SCEL: variants seen among roughly 807,000 people sequenced by gnomAD.
SCEL encodes sciellin.
In SCEL, 113 loss-of-function variants were observed where a neutral mutation model predicts 117.6. That is an observed-to-expected ratio of 0.96 (90% CI 0.83 to 1.12). The LOEUF (loss-of-function observed/expected upper bound fraction) is 1.12, where lower values mean the gene tolerates loss of function less well. Among genes scored for constraint, SCEL ranks in the 50% most tolerant of loss-of-function variants. The pLI, the probability that SCEL is intolerant of heterozygous loss-of-function variation, is 0.00. For missense variants in SCEL, 785 were observed against 810.8 expected (o/e 0.97, Z 0.39); for synonymous variants, 270 against 256.2 (o/e 1.05, Z -0.51).
chr13:77,542,858 C>A (rs948632186), intron 1 of SCEL, among the ~76,000 whole-genome samples: 2 of 152,132 alleles, frequency 1.3e-5, no homozygotes, highest in East Asian at 1.9e-4. Context: ...TCTTATTCTT[C>A]TACTGAAAAT....
intron 1 of SCEL, among the ~76,000 whole-genome samples, chr13:77,554,135 G>A (rs977401125): frequency 1.3e-5 from 2 of 152,138 alleles, no homozygotes; most frequent in Non-Finnish European, 2.9e-5. Context: ...GGAGGCCAGC[G>A]AAGGAAGTGA....
intron 20 of SCEL, 133 bp from the exon 21 acceptor site, chr13:77,608,922 GAGC>G: frequency 1.5e-6 from 1 of 664,788 alleles, no homozygotes; most frequent in Non-Finnish European, 2.5e-6. Context: ...TTTAAATTAA[GAGC>G]ATAGACTGGT....
At position 77,542,380 on chromosome 13, in the gene SCEL, A is replaced by G. The variant is rs546730662; in HGVS notation, c.-20+6556A>G. ...ACGCCATTGCACTCCAGCCTGGGCTACAGAGCAAGATTCCGTCTCAACAAA... is the reference window on the plus strand; with the variant it reads ...ACGCCATTGCACTCCAGCCTGGGCTGCAGAGCAAGATTCCGTCTCAACAAA... On this transcript the variant is annotated intron_variant, in intron 1 of 32. Transcript: ENST00000349847. Among the ~76,000 whole-genome samples, 162 of 151,966 alleles carry G rather than the reference A, an allele frequency of 1.1e-3. 3 individuals are homozygous for G. The Middle Eastern group carries it at 0.031, about 29-fold the overall frequency.
intron 28 of SCEL, among the ~76,000 whole-genome samples, chr13:77,630,131 C>T (rs769343233): frequency 2.0e-5 from 3 of 151,988 alleles, no homozygotes; most frequent in Non-Finnish European, 2.9e-5. Context: ...CTTTGGCTAT[C>T]CTTGGGGGAG....
At chr13:77,640,559 A>C (rs2090509007) in intron 30 of SCEL, 117 bp from the exon 31 acceptor site, 1 of 421,914 alleles carries the variant, frequency 2.4e-6, no homozygotes, top group African/African-American at 2.1e-5. Flanking sequence ...TTTTTGTGAA[A>C]TTTTCTAAAG....
At chr13:77,603,782 T>C (rs961242878) in intron 18 of SCEL, among the ~76,000 whole-genome samples, 1 of 152,200 alleles carries the variant, frequency 6.6e-6, no homozygotes, top group African/African-American at 2.4e-5. Context: ...CCTTTTTTGC[T>C]CACCATGATC....
At position 77,613,896 on chromosome 13, in the gene SCEL, T is replaced by C. The variant is rs1242991603; in HGVS notation, c.1392T>C (p.Ser464=). The change falls in exon 24 of 33, where the codon AGT becomes AGC. Residue 464 remains serine, a synonymous_variant. Transcript: ENST00000349847. ...IKVIPSANKS[S]EQGLDEHINV... is the part of the protein sequence containing the mutation. ...ATTTCCTCTAATTTTGTTTTAGCAG[T>C]GAACAAGGTCTTGATGAACATATTA... The C allele has an allele frequency of 6.2e-7, 1 of 1,613,154 alleles. No individual in the cohort carries two copies. The highest frequency in any genetic ancestry group is 8.5e-7 in the Non-Finnish European group (1 of 1,179,386).
At chr13:77,552,057 G>A (rs2084363618) in intron 1 of SCEL, among the ~76,000 whole-genome samples, 1 of 151,856 alleles carries the variant, frequency 6.6e-6, no homozygotes, top group South Asian at 2.1e-4. Flanking sequence ...GTATTCCATG[G>A]TGTATATGTG....
At position 77,568,179 on chromosome 13, in the gene SCEL, ATTTC is replaced by A. The variant is rs950455526; in HGVS notation, c.360-110_360-107del. 3 of 658,918 alleles carry A rather than the reference ATTTC, an allele frequency of 4.6e-6. No individual in the cohort carries two copies. The South Asian group carries it at 5.6e-5, about 12-fold the overall frequency. The allele number at this position is 658,918 out of a possible 1,614,324, so 40.8% of individuals were successfully genotyped here. On this transcript the variant is annotated intron_variant, in intron 6 of 32. Transcript: ENST00000349847. Reference sequence around the variant, plus strand: ...AATTTATTAAAATATGATGCTTTCTATTTCTTTCTCTCACCAGTGTCTAACTTTT... The same window carrying A: ...AATTTATTAAAATATGATGCTTTCTATTTCTCTCACCAGTGTCTAACTTTT...
Position 77,559,972 on chromosome 13 carries a change from CG to C in SCEL, c.221+110del, listed in dbSNP as rs1293647530. The C allele has an allele frequency of 1.1e-5, 10 of 923,052 alleles. No homozygotes were observed. In the African/African-American group the frequency reaches 1.6e-4, roughly 15 times the overall value. The allele number at this position is 923,052 out of a possible 1,614,324, so 57.2% of individuals were successfully genotyped here. On this transcript the variant is annotated intron_variant, in intron 4 of 32. Transcript: ENST00000349847. ...TTTGCAGCATGCCTTGGGCTTTCCC[CG>C]ATGTTCTGGGCATGTGAAGGAGAAT...
chr13:77,619,127 C>T (rs1408826041), intron 27 of SCEL, among the ~76,000 whole-genome samples: 2 of 152,032 alleles, frequency 1.3e-5, no homozygotes, highest in African/African-American at 4.8e-5. Flanking sequence ...TCTGAAAGGA[C>T]AAAAAGAAAT....
intron 27 of SCEL, among the ~76,000 whole-genome samples, chr13:77,626,092 T>C (rs549561254): frequency 4.6e-5 from 7 of 152,328 alleles, no homozygotes; most frequent in Admixed American, 4.6e-4. Context: ...AGAGGTTTAA[T>C]GGACTCACAG....
At chr13:77,588,852 T>C (rs956964759) in intron 9 of SCEL, among the ~76,000 whole-genome samples, 16 of 152,182 alleles carry the variant, frequency 1.1e-4, no homozygotes, top group African/African-American at 3.9e-4. Flanking sequence ...GAGCTAGATA[T>C]ACTAGCAAAA....
At chr13:77,560,689 G>A (rs903181722) in intron 4 of SCEL, among the ~76,000 whole-genome samples, 1 of 152,140 alleles carries the variant, frequency 6.6e-6, no homozygotes, top group African/African-American at 2.4e-5. Context: ...ATCTCAGATT[G>A]ATAAAAATAG....
intron 30 of SCEL, among the ~76,000 whole-genome samples, chr13:77,638,310 A>G (rs1159583376): frequency 1.3e-5 from 2 of 152,194 alleles, no homozygotes; most frequent in Non-Finnish European, 2.9e-5. Context: ...TGTAAGTCAC[A>G]CCTCTTTGAG....
chr13:77,571,256 C>G (rs1380849744), intron 8 of SCEL, among the ~76,000 whole-genome samples: 5 of 148,298 alleles, frequency 3.4e-5, no homozygotes, highest in Non-Finnish European at 7.5e-5. Flanking sequence ...TCCTGGCTAA[C>G]ACGGTGAAAC....
At chr13:77,572,040 T>A in intron 8 of SCEL, 84 bp from the exon 9 acceptor site, 1 of 1,170,222 alleles carries the variant, frequency 8.5e-7, no homozygotes, top group South Asian at 1.3e-5. Flanking sequence ...CTCATTGTCT[T>A]TTTAACTGTC....
chr13:77,576,890 T>C (rs1337412380), intron 9 of SCEL, among the ~76,000 whole-genome samples: 2 of 152,180 alleles, frequency 1.3e-5, no homozygotes, highest in Non-Finnish European at 2.9e-5. Flanking sequence ...TTTTATTCTC[T>C]TTATAGCAAT....
At chr13:77,590,207 G>A (rs1252689020) in intron 10 of SCEL, among the ~76,000 whole-genome samples, 6 of 152,024 alleles carry the variant, frequency 3.9e-5, no homozygotes, top group Admixed American at 1.3e-4. Context: ...TTTTGACTGG[G>A]CAGCAGGACC....
Sources: allele counts gnomAD v4.1 joint callset (sites outside exome capture counted in the v4.1 genomes callset), GRCh38; gene constraint gnomAD v4.1.1; transcripts MANE v1.5; gene names NCBI Gene and HGNC (gene_info 2026-07-23, HGNC 2026-07-21).